TEX9: variants seen among roughly 807,000 people sequenced by gnomAD.
The protein encoded by TEX9 is testis-expressed protein 9.
TEX9 carries 74 observed loss-of-function variants against 59.6 expected under a neutral mutation model. That is an observed-to-expected ratio of 1.24 (90% CI 1.03 to 1.51). The LOEUF (loss-of-function observed/expected upper bound fraction) is 1.51. TEX9 is among the 40% of genes most tolerant of loss of function. The probability of loss-of-function intolerance (pLI) is 0.00; values close to 1 mark genes in which losing one functional copy is unlikely to be tolerated. For synonymous variants in TEX9, 186 were observed against 152.2 expected (o/e 1.22, Z -1.64); for missense variants, 522 against 447.8 (o/e 1.17, Z -1.49).
At chr15:56,432,141 A>G (rs1011230420) in intron 12 of TEX9, among the ~76,000 whole-genome samples, 6 of 152,154 alleles carry the variant, frequency 3.9e-5, no homozygotes, top group Non-Finnish European at 1.5e-5. Flanking sequence ...AAGTTCTGTA[A>G]TGTTACAGGG....
chr15:56,345,346 G>T (rs2046450873), intron 1 of TEX9, among the ~76,000 whole-genome samples: 1 of 152,050 alleles, frequency 6.6e-6, no homozygotes, highest in African/African-American at 2.4e-5. Flanking sequence ...CCTAAGAGGG[G>T]AAGGTTAAAA....
chr15:56,335,765 AATAT>A (rs1424464360), intron 1 of TEX9, among the ~76,000 whole-genome samples: 7 of 152,146 alleles, frequency 4.6e-5, no homozygotes, highest in Admixed American at 3.3e-4. Context: ...GTAACCCATA[AATAT>A]ATATACCTAC....
rs908701206 is a variant in TEX9, at chr15:56,354,998, T to C, written c.-106-18443T>C. Among the ~76,000 whole-genome samples, 7 of 152,270 alleles carry C rather than the reference T, an allele frequency of 4.6e-5. No individual in the cohort carries two copies. In the South Asian group the frequency reaches 1.2e-3, roughly 27 times the overall value. On this transcript the variant is annotated intron_variant, in intron 1 of 5. Coordinates refer to the TEX9 transcript ENST00000560827. ...ATTTACATACAATAAAATTTACCTA[T>C]TTTAAGTGTATAGTTTAGTAAGCTT... is the stretch of plus-strand genomic sequence containing the variant.
intron 10 of TEX9, 32 bp downstream of exon 10, chr15:56,412,468 T>C: frequency 1.3e-6 from 2 of 1,575,504 alleles, no homozygotes; most frequent in African/African-American, 2.7e-5. Flanking sequence ...TTTGTAGTGA[T>C]CCCTTTTGGT....
intron 12 of TEX9, among the ~76,000 whole-genome samples, chr15:56,434,646 C>A (rs1177727988): frequency 6.6e-6 from 1 of 152,126 alleles, no homozygotes; most frequent in Non-Finnish European, 1.5e-5. Flanking sequence ...TTTCTCTACT[C>A]AGAATTAACA....
chr15:56,414,239 G>A (rs555699619), intron 10 of TEX9, among the ~76,000 whole-genome samples: 1 of 126,066 alleles, frequency 7.9e-6, no homozygotes, highest in Admixed American at 8.5e-5. Context: ...CAGCCATTTT[G>A]TTTTATTTTG....
chr15:56,460,009 A>AATATATATATATATATATAT, the TEX9 span, among the ~76,000 whole-genome samples: 1 of 26,406 alleles, frequency 3.8e-5, no homozygotes, highest in African/African-American at 1.5e-4. Context: ...AAAAAAAAAA[A>AATATATATATATATATATAT]ATACATATAT....
At chr15:56,257,413 G>C (rs2044168278) in intron 1 of TEX9, among the ~76,000 whole-genome samples, 1 of 152,110 alleles carries the variant, frequency 6.6e-6, no homozygotes, top group Admixed American at 6.6e-5. Flanking sequence ...CCCACCAACA[G>C]TGTAAAAGTG....
In TEX9 at chr15:56,415,608, C is replaced by G. The variant is rs370531341; in HGVS notation, c.963+3172C>G. ...CTATGTGCCTGTTTTTGTAACAGTA[C>G]CTGTTTTTGTACCATGTGCTGTTTT... On this transcript the variant is annotated intron_variant, in intron 10 of 12. Coordinates refer to ENST00000352903, the Ensembl canonical transcript of TEX9. Among the ~76,000 whole-genome samples, 24 of 151,764 alleles carry G rather than the reference C, an allele frequency of 1.6e-4. No homozygotes were observed. The East Asian group carries it at 3.9e-3, about 24-fold the overall frequency.
intron 1 of TEX9, among the ~76,000 whole-genome samples, chr15:56,343,636 T>C (rs1339207024): frequency 6.6e-6 from 1 of 152,096 alleles, no homozygotes; most frequent in Non-Finnish European, 1.5e-5. Context: ...TTTTACAATT[T>C]AGATGAAATG....
intron 1 of TEX9, among the ~76,000 whole-genome samples, chr15:56,269,616 T>C (rs1470276497): frequency 1.3e-5 from 2 of 151,924 alleles, no homozygotes; most frequent in African/African-American, 4.8e-5. Context: ...TCAGTTTCCA[T>C]GGAGTTGTGC....
rs144143503 is a variant in TEX9, at chr15:56,253,617, G to A, written c.-107+9339G>A. Among the ~76,000 whole-genome samples the A allele has an allele frequency of 5.3e-5, 8 of 152,188 alleles. No individual in the cohort carries two copies. The East Asian group carries it at 1.4e-3, about 26-fold the overall frequency. On this transcript the variant is annotated intron_variant, in intron 1 of 5. Coordinates refer to the TEX9 transcript ENST00000560827. ...AAGGGTTCTCTTAGTGAGTATTAAA[G>A]CTGTTAAAGTTAGCTCTTGATGTAC...
chr15:56,319,052 A>G (rs1262448475), intron 1 of TEX9, among the ~76,000 whole-genome samples: 1 of 152,120 alleles, frequency 6.6e-6, no homozygotes, highest in Non-Finnish European at 1.5e-5. Context: ...TTAATTGCTT[A>G]AAGTAGTATT....
chr15:56,274,125 C>T (rs1341746926), intron 1 of TEX9, among the ~76,000 whole-genome samples: 15 of 152,044 alleles, frequency 9.9e-5, no homozygotes, highest in Admixed American at 7.2e-4. Context: ...TAGGGTAGAC[C>T]GTTTGATATG....
chr15:56,365,797 A>G (rs2046916692), intron 2 of TEX9, 127 bp downstream of exon 2: 4 of 1,468,580 alleles, frequency 2.7e-6, no homozygotes, highest in Non-Finnish European at 2.7e-6. Context: ...CCTTCTCGTC[A>G]TCTCGTTCAC....
At chr15:56,339,358 G>A (rs1284178335) in intron 1 of TEX9, among the ~76,000 whole-genome samples, 1 of 117,548 alleles carries the variant, frequency 8.5e-6, no homozygotes, top group Non-Finnish European at 1.6e-5. Context: ...ACTGCAGCCT[G>A]GGTGTCAGAG....
chr15:56,312,464 G>T (rs1157568788), intron 1 of TEX9, among the ~76,000 whole-genome samples: 10 of 147,084 alleles, frequency 6.8e-5, no homozygotes, highest in Non-Finnish European at 1.1e-4. Flanking sequence ...TAGATATGCG[G>T]CATTATTTCT....
At chr15:56,408,425 A>G (rs2140109965) in intron 9 of TEX9, 1 of 152,332 alleles carries the variant, frequency 6.6e-6, no homozygotes. Context: ...GGCCTTACGT[A>G]GTAGAGTGCC....
chr15:56,294,195 G>A lies in TEX9; in HGVS notation c.-107+49917G>A, dbSNP rs1387738285. ...GGGAGGGGAGCTAGAGGGATGGACTGTCAAAAAGATGTTTCACTTTCACTA... is the reference window on the plus strand; with the variant it reads ...GGGAGGGGAGCTAGAGGGATGGACTATCAAAAAGATGTTTCACTTTCACTA... On this transcript the variant is annotated intron_variant, in intron 1 of 5. Transcript: ENST00000560827. Among the ~76,000 whole-genome samples the A allele has an allele frequency of 1.3e-4, 20 of 152,186 alleles. 1 individual carries two copies. Among genetic ancestry groups the A allele is most frequent in the African/African-American group, 4.6e-4 (19 of 41,434 alleles).
Sources: gnomAD v4.1 joint callset for allele counts (sites outside exome capture counted in the v4.1 genomes callset) on GRCh38, gnomAD v4.1.1 for gene constraint, MANE v1.5 for transcripts, NCBI Gene and HGNC (gene_info 2026-07-23, HGNC 2026-07-21) for gene names.